Variants in ASIC2 observed in about 807,000 individuals in gnomAD.
The protein encoded by ASIC2 is acid-sensing ion channel 2.
ASIC2 carries 25 observed loss-of-function variants against 57.3 expected under a neutral mutation model. That is an observed-to-expected ratio of 0.44 (90% CI 0.32 to 0.61). The LOEUF is 0.61. ASIC2 is among the 20% of genes least tolerant of loss of function. The pLI is 0.06. For missense variants in ASIC2, 641 were observed against 738.1 expected, an observed-to-expected ratio of 0.87 and a Z score of 1.52; for synonymous variants, 319 against 307.5, an observed-to-expected ratio of 1.04 and a Z score of -0.39.
intron 1 of ASIC2, among the ~76,000 whole-genome samples, chr17:33,584,241 G>A (rs1904539646): frequency 6.6e-6 from 1 of 152,134 alleles, no homozygotes; most frequent in African/African-American, 2.4e-5. Flanking sequence ...GGAAGGGATC[G>A]CCATCTTTAG....
chr17:33,129,162 A>C (rs970198647), intron 1 of ASIC2, among the ~76,000 whole-genome samples: 4 of 152,236 alleles, frequency 2.6e-5, no homozygotes, highest in Non-Finnish European at 4.4e-5. Flanking sequence ...GCCCTGCCCT[A>C]TAGAGCCAGC....
intron 3 of ASIC2, among the ~76,000 whole-genome samples, chr17:33,048,069 T>C (rs1018155846): frequency 6.6e-6 from 1 of 152,168 alleles, no homozygotes; most frequent in Admixed American, 6.5e-5. Context: ...CTGGTGTCTG[T>C]TGAAGAGGAA....
At chr17:33,790,975 A>G (rs983145285) in intron 1 of ASIC2, among the ~76,000 whole-genome samples, 1 of 152,164 alleles carries the variant, frequency 6.6e-6, no homozygotes, top group African/African-American at 2.4e-5. Flanking sequence ...TGAGCAAGTG[A>G]TCATATAGCC....
At chr17:33,170,868 A>G (rs1905490407) in intron 1 of ASIC2, among the ~76,000 whole-genome samples, 1 of 152,206 alleles carries the variant, frequency 6.6e-6, no homozygotes, top group Non-Finnish European at 1.5e-5. Flanking sequence ...CTATAGCAAC[A>G]TACTTCAGTT....
intron 1 of ASIC2, among the ~76,000 whole-genome samples, chr17:33,497,713 C>T (rs1243966278): frequency 1.3e-5 from 2 of 151,984 alleles, no homozygotes; most frequent in Non-Finnish European, 2.9e-5. Flanking sequence ...ATCCACACAC[C>T]TTACAATCGC....
intron 1 of ASIC2, among the ~76,000 whole-genome samples, chr17:34,144,920 C>G (rs1912376600): frequency 6.6e-6 from 1 of 152,166 alleles, no homozygotes; most frequent in African/African-American, 2.4e-5. Flanking sequence ...ATAGCTGGGT[C>G]TATCTCTAGC....
intron 1 of ASIC2, among the ~76,000 whole-genome samples, chr17:33,645,487 CA>C (rs1266721487): frequency 6.6e-6 from 1 of 152,194 alleles, no homozygotes; most frequent in African/African-American, 2.4e-5. Flanking sequence ...GCACAGTGGT[CA>C]ACCTCAGTCC....
chr17:34,080,281 A>G (rs1909829416), intron 1 of ASIC2, among the ~76,000 whole-genome samples: 1 of 152,212 alleles, frequency 6.6e-6, no homozygotes, highest in African/African-American at 2.4e-5. Context: ...ATAGGTTGCA[A>G]TGTCAATTGT....
intron 1 of ASIC2, among the ~76,000 whole-genome samples, chr17:33,129,709 T>G (rs2092337725): frequency 6.6e-6 from 1 of 152,166 alleles, no homozygotes; most frequent in Non-Finnish European, 1.5e-5. Flanking sequence ...GCTAGAGAAT[T>G]CAGGAATGGC....
At chr17:33,463,299 C>A (rs531961731) in intron 1 of ASIC2, among the ~76,000 whole-genome samples, 3 of 152,290 alleles carry the variant, frequency 2.0e-5, no homozygotes, top group South Asian at 2.1e-4. Context: ...TTGGCATCAT[C>A]CCCAGAGGAA....
At chr17:33,436,543 C>T (rs1911614524) in intron 1 of ASIC2, among the ~76,000 whole-genome samples, 1 of 152,102 alleles carries the variant, frequency 6.6e-6, no homozygotes, top group South Asian at 2.1e-4. Flanking sequence ...ATATGAGGAC[C>T]GTTTTCCACA....
At chr17:33,735,597 G>A (rs1909887561) in intron 1 of ASIC2, among the ~76,000 whole-genome samples, 1 of 152,120 alleles carries the variant, frequency 6.6e-6, no homozygotes. Context: ...GTCTTAATCA[G>A]GCAAAGACCC....
At chr17:33,862,745 C>G (rs547619269) in intron 1 of ASIC2, among the ~76,000 whole-genome samples, 1 of 152,318 alleles carries the variant, frequency 6.6e-6, no homozygotes, top group South Asian at 2.1e-4. Flanking sequence ...CACACCTCTT[C>G]TTTTGACAAA....
intron 1 of ASIC2, among the ~76,000 whole-genome samples, chr17:33,607,503 G>A (rs1434978358): frequency 6.6e-6 from 1 of 152,116 alleles, no homozygotes; most frequent in East Asian, 1.9e-4. Flanking sequence ...AGAGGACTCC[G>A]AGGCGATCTT....
chr17:33,193,413 G>A (rs1055422229), intron 1 of ASIC2, among the ~76,000 whole-genome samples: 1 of 152,162 alleles, frequency 6.6e-6, no homozygotes, highest in Non-Finnish European at 1.5e-5. Context: ...TCTATATATA[G>A]CGCTCTGCTC....
At chr17:33,830,959 A>T (rs1466017504) in intron 1 of ASIC2, among the ~76,000 whole-genome samples, 2 of 151,756 alleles carry the variant, frequency 1.3e-5, no homozygotes, top group African/African-American at 4.8e-5. Flanking sequence ...AAAAATACAA[A>T]ATTAGCAAGG....
At position 33,774,431 on chromosome 17, in the gene ASIC2, G is replaced by A. The variant is rs112789391; in HGVS notation, c.555+381547C>T. On this transcript the variant is annotated intron_variant, in intron 1 of 9. Transcript: ENST00000359872. ...TGATGTCTGCCTTGGGCATAGATAT[G>A]GATGACTGGAATGGTTCACTGAAGT... 3.1e-4 allele frequency among the ~76,000 whole-genome samples: 47 copies of A among 152,210 alleles called. 2 individuals carry two copies. The highest frequency in any genetic ancestry group is 1.1e-3 in the African/African-American group (47 of 41,516).
chr17:34,045,250 G>C (rs1777480881), intron 1 of ASIC2, among the ~76,000 whole-genome samples: 1 of 152,072 alleles, frequency 6.6e-6, no homozygotes, highest in Admixed American at 6.5e-5. Flanking sequence ...TATTCCCAAA[G>C]CACATCCTCC....
intron 1 of ASIC2, among the ~76,000 whole-genome samples, chr17:33,983,178 G>C (rs767249977): frequency 6.6e-6 from 1 of 152,158 alleles, no homozygotes. Context: ...GATGGTAATT[G>C]GTCTCTAGTT....
Sources: gnomAD v4.1 joint callset for allele counts (sites outside exome capture counted in the v4.1 genomes callset) on GRCh38, gnomAD v4.1.1 for gene constraint, MANE v1.5 for transcripts, NCBI Gene and HGNC (gene_info 2026-07-23, HGNC 2026-07-21) for gene names.